GNA14: variants seen among roughly 807,000 people sequenced by gnomAD.
GNA14 encodes G protein subunit alpha 14, also known as guanine nucleotide-binding protein subunit alpha-14.
In GNA14, 50 loss-of-function variants were observed where a neutral mutation model predicts 42.0. The ratio of observed to expected loss-of-function variants is 1.19; its 90% CI spans 0.95 to 1.51. The LOEUF is 1.51. GNA14 is among the 40% of genes most tolerant of loss of function. GNA14 has a pLI of 0.00. For missense variants in GNA14, 473 were observed against 446.2 expected (o/e 1.06, Z -0.54); for synonymous variants, 173 against 163.1 (o/e 1.06, Z -0.46).
intron 2 of GNA14, among the ~76,000 whole-genome samples, chr9:77,437,655 A>G (rs1835660621): frequency 6.6e-6 from 1 of 152,024 alleles, no homozygotes; most frequent in African/African-American, 2.4e-5. Flanking sequence ...GGAAGGAAAG[A>G]AAGAAAGAAA....
chr9:77,641,508 A>G (rs1421608289), intron 1 of GNA14, among the ~76,000 whole-genome samples: 1 of 151,770 alleles, frequency 6.6e-6, no homozygotes, highest in African/African-American at 2.4e-5. Context: ...CCAGCCAGAA[A>G]AGCACAGTGG....
chr9:77,488,892 A>G (rs577145692), intron 2 of GNA14, among the ~76,000 whole-genome samples: 2 of 151,990 alleles, frequency 1.3e-5, no homozygotes, highest in African/African-American at 4.8e-5. Flanking sequence ...ATGAAACAAC[A>G]GCAAACAGGA....
chr9:77,598,567 A>C (rs1823502419), intron 1 of GNA14, among the ~76,000 whole-genome samples: 1 of 152,154 alleles, frequency 6.6e-6, no homozygotes, highest in Non-Finnish European at 1.5e-5. Context: ...CATCAGAGAA[A>C]ACATAAGACG....
At chr9:77,524,433 GA>G (rs1272070934) in intron 2 of GNA14, among the ~76,000 whole-genome samples, 1 of 152,018 alleles carries the variant, frequency 6.6e-6, no homozygotes, top group African/African-American at 2.4e-5. Context: ...TCCCAGCTCT[GA>G]AAGAAACAGA....
At chr9:77,577,465 T>C (rs1823146592) in intron 1 of GNA14, among the ~76,000 whole-genome samples, 1 of 152,190 alleles carries the variant, frequency 6.6e-6, no homozygotes, top group African/African-American at 2.4e-5. Context: ...AACTCAAGTC[T>C]TAGTGGATTC....
intron 3 of GNA14, among the ~76,000 whole-genome samples, chr9:77,432,791 G>T (rs941080023): frequency 1.3e-5 from 2 of 152,028 alleles, no homozygotes; most frequent in Non-Finnish European, 1.5e-5. Context: ...TTTTCCAAAT[G>T]GATCTACATC....
At chr9:77,589,633 C>T (rs749543598) in intron 1 of GNA14, among the ~76,000 whole-genome samples, 14 of 152,064 alleles carry the variant, frequency 9.2e-5, no homozygotes, top group Non-Finnish European at 1.6e-4. Flanking sequence ...TGCCTTTTTC[C>T]TCCACCCTCG....
intron 2 of GNA14, among the ~76,000 whole-genome samples, chr9:77,511,359 A>G (rs1837166159): frequency 6.6e-6 from 1 of 152,292 alleles, no homozygotes; most frequent in African/African-American, 2.4e-5. Context: ...ACCTGCATAG[A>G]AAACAGAGGA....
At chr9:77,433,825 C>T (rs958701980) in intron 3 of GNA14, among the ~76,000 whole-genome samples, 3 of 152,186 alleles carry the variant, frequency 2.0e-5, no homozygotes, top group Admixed American at 6.5e-5. Flanking sequence ...GATTGAGCTT[C>T]CTGTGTGTGC....
intron 2 of GNA14, among the ~76,000 whole-genome samples, chr9:77,479,937 A>G (rs920974553): frequency 3.9e-5 from 6 of 152,184 alleles, no homozygotes; most frequent in African/African-American, 7.2e-5. Flanking sequence ...TTATCAGCTT[A>G]AGGAGATTTT....
intron 1 of GNA14, among the ~76,000 whole-genome samples, chr9:77,584,660 G>T (rs891697596): frequency 6.6e-6 from 1 of 152,192 alleles, no homozygotes; most frequent in African/African-American, 2.4e-5. Context: ...TGGATCTCAT[G>T]CAAGAAAGAA....
intron 1 of GNA14, among the ~76,000 whole-genome samples, chr9:77,600,567 G>A (rs1335750685): frequency 7.9e-5 from 12 of 152,282 alleles, no homozygotes; most frequent in African/African-American, 2.9e-4. Context: ...TACTCGGTCA[G>A]TTTCCTTTAA....
intron 2 of GNA14, among the ~76,000 whole-genome samples, chr9:77,435,332 G>C (rs866366992): frequency 6.6e-6 from 1 of 152,002 alleles, no homozygotes. Context: ...ACTCCAGCCT[G>C]GGTGACAGAG....
At chr9:77,502,734 C>T (rs1275873349) in intron 2 of GNA14, among the ~76,000 whole-genome samples, 1 of 152,114 alleles carries the variant, frequency 6.6e-6, no homozygotes, top group South Asian at 2.1e-4. Context: ...TGACACTGCC[C>T]AAGAAGGGGG....
chr9:77,496,279 T>C (rs1343450598), intron 2 of GNA14, among the ~76,000 whole-genome samples: 2 of 152,194 alleles, frequency 1.3e-5, no homozygotes, highest in Non-Finnish European at 2.9e-5. Flanking sequence ...ACTACCCAGG[T>C]TACTTCCACC....
intron 1 of GNA14, among the ~76,000 whole-genome samples, chr9:77,622,596 G>A (rs1009407815): frequency 3.3e-5 from 5 of 151,526 alleles, no homozygotes; most frequent in Non-Finnish European, 4.4e-5. Context: ...TTGAAACCTC[G>A]TCTCTACTAA....
chr9:77,552,564 C>T (rs1032577512), intron 1 of GNA14, among the ~76,000 whole-genome samples: 19 of 152,166 alleles, frequency 1.2e-4, no homozygotes, highest in African/African-American at 4.6e-4. Flanking sequence ...GCATTCTGCT[C>T]TTTTAAGAAT....
intron 1 of GNA14, among the ~76,000 whole-genome samples, chr9:77,538,730 T>C (rs1837626863): frequency 6.6e-6 from 1 of 152,176 alleles, no homozygotes; most frequent in Non-Finnish European, 1.5e-5. Flanking sequence ...TTTCAGCTGG[T>C]TCACAATTGG....
chr9:77,633,179 A>G (rs1209274774), intron 1 of GNA14, among the ~76,000 whole-genome samples: 1 of 152,196 alleles, frequency 6.6e-6, no homozygotes, highest in Non-Finnish European at 1.5e-5. Context: ...TTTTAAAAAG[A>G]AATGTAGAAG....
Sources: allele counts gnomAD v4.1 joint callset (sites outside exome capture counted in the v4.1 genomes callset), GRCh38; gene constraint gnomAD v4.1.1; transcripts MANE v1.5; gene names NCBI Gene and HGNC (gene_info 2026-07-23, HGNC 2026-07-21).